The following NLGN1 variants were observed in gnomAD, a reference collection of about 807,000 sequenced individuals.
NLGN1 encodes neuroligin 1, also known as neuroligin-1.
In NLGN1, 12 loss-of-function variants were observed where a neutral mutation model predicts 65.5. That is an observed-to-expected ratio of 0.18 (90% CI 0.12 to 0.30). The LOEUF is 0.30. Ranked by LOEUF, NLGN1 falls within the 10% of genes least tolerant of loss-of-function variation. The probability of loss-of-function intolerance (pLI) is 1.00; values close to 1 mark genes in which losing one functional copy is unlikely to be tolerated. For missense variants in NLGN1, 750 were observed against 1,007.1 expected (o/e 0.74, Z 3.46); for synonymous variants, 350 against 359.5 (o/e 0.97, Z 0.30).
intron 4 of NLGN1, among the ~76,000 whole-genome samples, chr3:174,059,455 A>G (rs1736914117): frequency 6.6e-6 from 1 of 152,152 alleles, no homozygotes; most frequent in South Asian, 2.1e-4. Flanking sequence ...AAAGGAGTTA[A>G]GTAATCAAAT....
At chr3:174,252,248 A>G (rs905944525) in intron 4 of NLGN1, among the ~76,000 whole-genome samples, 3 of 152,196 alleles carry the variant, frequency 2.0e-5, no homozygotes, top group African/African-American at 7.2e-5. Context: ...TTAAGTGTGG[A>G]TAAAATGTAG....
chr3:174,160,955 G>C (rs1304234586), intron 4 of NLGN1, among the ~76,000 whole-genome samples: 3 of 151,494 alleles, frequency 2.0e-5, no homozygotes, highest in Non-Finnish European at 4.4e-5. Context: ...CCCAGCCTCT[G>C]ATAACCATCC....
chr3:174,121,237 G>A (rs1343436835), intron 4 of NLGN1, among the ~76,000 whole-genome samples: 1 of 152,178 alleles, frequency 6.6e-6, no homozygotes, highest in African/African-American at 2.4e-5. Flanking sequence ...AACAAAAGCA[G>A]CAAGTTCTGT....
At chr3:174,130,020 A>T (rs1469064650) in intron 4 of NLGN1, among the ~76,000 whole-genome samples, 1 of 152,234 alleles carries the variant, frequency 6.6e-6, no homozygotes, top group Non-Finnish European at 1.5e-5. Flanking sequence ...GCTGCAGACC[A>T]CACTAGGAAA....
At chr3:173,889,244 C>G (rs1421184237) in intron 4 of NLGN1, among the ~76,000 whole-genome samples, 1 of 152,108 alleles carries the variant, frequency 6.6e-6, no homozygotes, top group Non-Finnish European at 1.5e-5. Context: ...ATTTTCAGAG[C>G]TGCATATAAG....
intron 4 of NLGN1, among the ~76,000 whole-genome samples, chr3:174,023,538 T>G (rs571427247): frequency 7.2e-5 from 11 of 152,280 alleles, no homozygotes; most frequent in African/African-American, 2.2e-4. Context: ...TTCCTTCCTT[T>G]GAGGTGGAAA....
intron 4 of NLGN1, among the ~76,000 whole-genome samples, chr3:174,106,980 TCACACACACACACA>T (rs370193288): frequency 1.8e-5 from 2 of 113,190 alleles, no homozygotes; most frequent in African/African-American, 3.2e-5. Flanking sequence ...TCTTCAAGAA[TCACACACACACACA>T]CACACACACA....
chr3:174,281,916 A>T (rs999463485), exon 7 of NLGN1: 2 of 152,346 alleles, frequency 1.3e-5, no homozygotes, highest in African/African-American at 2.4e-5. Flanking sequence ...TTTTAGCACG[A>T]TGTGCATGAT....
At chr3:173,764,188 A>C (rs1242260655) in intron 3 of NLGN1, among the ~76,000 whole-genome samples, 1 of 152,176 alleles carries the variant, frequency 6.6e-6, no homozygotes, top group Non-Finnish European at 1.5e-5. Context: ...GATGGGAAAG[A>C]CTAGACTGCA....
intron 4 of NLGN1, among the ~76,000 whole-genome samples, chr3:174,134,838 G>A (rs186088542): frequency 1.9e-4 from 29 of 152,288 alleles, no homozygotes; most frequent in African/African-American, 3.6e-4. Context: ...AAGCAGAGGC[G>A]AAGGTCTAAT....
chr3:173,772,399 C>T (rs1388542609), intron 3 of NLGN1, among the ~76,000 whole-genome samples: 1 of 152,076 alleles, frequency 6.6e-6, no homozygotes, highest in African/African-American at 2.4e-5. Context: ...AGGAGGATCA[C>T]CTGAGGTCAG....
At chr3:173,706,440 A>ATC (rs1190355290) in intron 3 of NLGN1, among the ~76,000 whole-genome samples, 2 of 152,184 alleles carry the variant, frequency 1.3e-5, no homozygotes, top group Non-Finnish European at 2.9e-5. Flanking sequence ...TTGTTCAATT[A>ATC]TCTCATTAGT....
intron 2 of NLGN1, among the ~76,000 whole-genome samples, chr3:173,569,801 A>G (rs975004237): frequency 1.4e-4 from 22 of 152,278 alleles, no homozygotes; most frequent in Admixed American, 1.1e-3. Context: ...TGGCAATATG[A>G]TATAGCATAG....
At position 173,918,696 on chromosome 3, in the gene NLGN1, GTGTGTGTATA is replaced by G. The variant is rs1348299653; in HGVS notation, c.646+110866_646+110875del. ...TGTGTGTGTGTGTGTGTGTGTGTGT[GTGTGTGTATA>G]TATATATATTGCATAGAATGGTAAC... is the stretch of plus-strand genomic sequence containing the variant. On this transcript the variant is annotated intron_variant, in intron 4 of 6. Transcript: ENST00000457714. 3.1e-4 allele frequency among the ~76,000 whole-genome samples: 42 copies of G among 134,752 alleles called. 1 individual carries two copies. The highest frequency in any genetic ancestry group is 2.1e-3 in the East Asian group (9 of 4,314). The allele number at this position is 134,752 out of a possible 152,430, so 88.4% of individuals were successfully genotyped here.
chr3:173,579,765 T>A (rs1746090522), intron 2 of NLGN1, among the ~76,000 whole-genome samples: 1 of 152,212 alleles, frequency 6.6e-6, no homozygotes, highest in African/African-American at 2.4e-5. Context: ...CACCACTTTT[T>A]ATTTTTGTTT....
intron 4 of NLGN1, among the ~76,000 whole-genome samples, chr3:173,819,507 G>C (rs1719756719): frequency 6.6e-6 from 1 of 152,170 alleles, no homozygotes; most frequent in African/African-American, 2.4e-5. Flanking sequence ...GGCCATGCTA[G>C]ACTCCTCACT....
At chr3:173,607,200 T>C (rs905943534) in intron 3 of NLGN1, among the ~76,000 whole-genome samples, 5 of 151,936 alleles carry the variant, frequency 3.3e-5, no homozygotes, top group Admixed American at 3.3e-4. Context: ...GTATTGTTGG[T>C]TCCATTTGCT....
chr3:174,176,410 G>A (rs909267411), intron 4 of NLGN1, among the ~76,000 whole-genome samples: 2 of 151,764 alleles, frequency 1.3e-5, no homozygotes, highest in South Asian at 2.1e-4. Context: ...AATCATCAGT[G>A]GTATTTTTAA....
chr3:173,754,312 G>A (rs934536552), intron 3 of NLGN1, among the ~76,000 whole-genome samples: 1 of 151,894 alleles, frequency 6.6e-6, no homozygotes, highest in African/African-American at 2.4e-5. Context: ...AAAGTGCTGG[G>A]ATTACAGAGA....
Sources: gnomAD v4.1 joint callset for allele counts (sites outside exome capture counted in the v4.1 genomes callset) on GRCh38, gnomAD v4.1.1 for gene constraint, MANE v1.5 for transcripts, NCBI Gene and HGNC (gene_info 2026-07-23, HGNC 2026-07-21) for gene names.